The following TARBP1 variants were observed in gnomAD, a reference collection of about 807,000 sequenced individuals.
TARBP1 encodes the protein tRNA (guanosine(18)-2'-O)-methyltransferase TARBP1.
A neutral mutation model predicts 178.6 loss-of-function variants in TARBP1; 144 were observed. The ratio of observed to expected loss-of-function variants is 0.81; its 90% confidence interval spans 0.70 to 0.93. The LOEUF is 0.93. Ranked by LOEUF, TARBP1 falls within the 40% of genes least tolerant of loss-of-function variation. The pLI is 0.00. For synonymous variants in TARBP1, 787 were observed against 781.0 expected, an observed-to-expected ratio of 1.01 and a Z score of -0.13; for missense variants, 2,067 against 2,011.7, an observed-to-expected ratio of 1.03 and a Z score of -0.53.
At chr1:234,443,223 A>C (rs1337921236) in intron 12 of TARBP1, among the ~76,000 whole-genome samples, 1 of 151,584 alleles carries the variant, frequency 6.6e-6, no homozygotes, top group Admixed American at 6.6e-5. Flanking sequence ...CCGGGAGGCA[A>C]AGGTTGCGGT....
intron 4 of TARBP1, among the ~76,000 whole-genome samples, chr1:234,466,617 C>T (rs1032391153): frequency 3.3e-5 from 5 of 152,126 alleles, no homozygotes; most frequent in African/African-American, 1.2e-4. Context: ...AATCCCAGCA[C>T]TTTGGGAGGC....
chr1:234,427,973 T>C (rs1248434257), intron 17 of TARBP1, among the ~76,000 whole-genome samples: 4 of 152,206 alleles, frequency 2.6e-5, no homozygotes, highest in African/African-American at 4.8e-5. Flanking sequence ...ATTTTACTGA[T>C]AGTGATATTC....
At chr1:234,461,314 GTTTGT>G (rs1178009491) in intron 6 of TARBP1, among the ~76,000 whole-genome samples, 1 of 144,168 alleles carries the variant, frequency 6.9e-6, no homozygotes. Flanking sequence ...TTGTTTGTTT[GTTTGT>G]TTTGAGACAG....
intron 24 of TARBP1, 64 bp downstream of exon 24, chr1:234,405,839 G>T: frequency 5.4e-6 from 8 of 1,470,706 alleles, no homozygotes; most frequent in Non-Finnish European, 7.5e-6. Context: ...TATGGGCACT[G>T]CCCCCTCCCT....
chr1:234,400,883 A>T (rs1023933702), intron 25 of TARBP1: 1 of 210,202 alleles, frequency 4.8e-6, no homozygotes, highest in Non-Finnish European at 9.6e-6. Context: ...ATTTCCTTTT[A>T]ATGTCAGAAC....
chr1:234,418,841 A>T (rs1452748061), intron 21 of TARBP1, among the ~76,000 whole-genome samples: 1 of 152,230 alleles, frequency 6.6e-6, no homozygotes, highest in African/African-American at 2.4e-5. Flanking sequence ...TCTAAGCAGC[A>T]GGTGAAAAAC....
intron 26 of TARBP1, 160 bp downstream of exon 26, chr1:234,398,222 A>G: frequency 2.0e-6 from 1 of 497,846 alleles, no homozygotes; most frequent in Non-Finnish European, 3.2e-6. Context: ...AGTCAAAGTT[A>G]TACCACACTT....
intron 20 of TARBP1, among the ~76,000 whole-genome samples, chr1:234,421,238 G>A (rs6703763): frequency 0.23 from 34,882 of 151,810 alleles, 4,350 homozygotes; most frequent in East Asian, 0.44. Context: ...ACAGGCGCCC[G>A]CCACCACACC....
chr1:234,470,278 A>G (rs922942083), intron 3 of TARBP1, among the ~76,000 whole-genome samples: 5 of 152,016 alleles, frequency 3.3e-5, no homozygotes, highest in African/African-American at 1.2e-4. Context: ...CTCAAAAACA[A>G]AAAAAAAGAG....
chr1:234,392,402 A>G lies in TARBP1; in HGVS notation c.4697+14T>C, dbSNP rs775903828. 1 of 1,612,796 alleles carries G rather than the reference A, an allele frequency of 6.2e-7. No homozygotes were observed. Among genetic ancestry groups the G allele is most frequent in the Non-Finnish European group, 8.5e-7 (1 of 1,179,594 alleles). On this transcript the variant is annotated intron_variant, in intron 29 of 29. Transcript: ENST00000040877. The stretch of plus-strand genomic sequence containing the variant: ...GGCTCAGAGAATATACTATGGACAC[A>G]AGAAGCTTCTTACCCCAACAAGAGC...
intron 12 of TARBP1, among the ~76,000 whole-genome samples, chr1:234,444,699 A>G (rs1261999874): frequency 6.6e-6 from 1 of 152,058 alleles, no homozygotes; most frequent in East Asian, 1.9e-4. Flanking sequence ...TTCCTTAAAA[A>G]AAAAACAGAA....
chr1:234,429,123 G>A lies in TARBP1; in HGVS notation c.3060+13C>T. On this transcript the variant is annotated intron_variant, in intron 17 of 29. Coordinates refer to ENST00000040877, the MANE Select transcript of TARBP1 (RefSeq NM_005646.4). ...CATGAAAAGAAAAGCAAAAAGAAAA[G>A]AAAGTTAGTTACCTCTTTTATTTTG... 1.3e-6 allele frequency: 2 copies of A among 1,548,502 alleles called. No homozygotes were observed. Among genetic ancestry groups the A allele is most frequent in the East Asian group, 2.3e-5 (1 of 43,736 alleles).
rs892512271 is a variant in TARBP1 at position 234,429,446 on chromosome 1, C to G, written c.2841G>C (p.Val947=). Residue 947 remains valine, a synonymous_variant, in exon 16 of 30, where the codon GTG becomes GTC. Transcript: ENST00000040877. ...TVLSSDQVLP[V]FHCLKVLVPK... Reference sequence around the variant, plus strand: ...GAACCAACACTTTCAAGCAATGGAACACTGGTAAAACTTGATCAGAAGAAA... The same window carrying G: ...GAACCAACACTTTCAAGCAATGGAAGACTGGTAAAACTTGATCAGAAGAAA... 6.2e-7 allele frequency: 1 copy of G among 1,613,330 alleles called. No individual in the cohort carries two copies. Among genetic ancestry groups the G allele is most frequent in the Non-Finnish European group, 8.5e-7 (1 of 1,179,798 alleles).
Position 234,471,172 on chromosome 1 carries a change from T to C in TARBP1, c.1099+16A>G. 2 of 1,562,960 alleles carry C rather than the reference T, an allele frequency of 1.3e-6. No homozygotes were observed. Among genetic ancestry groups the C allele is most frequent in the Non-Finnish European group, 1.7e-6 (2 of 1,152,976 alleles). ...CCATAAATGTTATTAAAAAATAAAA[T>C]AAAAGTAATCGTTACCATTTTCCTC... On this transcript the variant is annotated intron_variant, in intron 3 of 29. Transcript: ENST00000040877.
At chr1:234,470,999 T>C (rs1180102441) in intron 3 of TARBP1, among the ~76,000 whole-genome samples, 189 bp downstream of exon 3, 1 of 152,088 alleles carries the variant, frequency 6.6e-6, no homozygotes, top group Non-Finnish European at 1.5e-5. Flanking sequence ...ATGAACAACA[T>C]GATCCAGAAG....
At chr1:234,469,792 T>C (rs184324903) in intron 3 of TARBP1, among the ~76,000 whole-genome samples, 87 of 152,352 alleles carry the variant, frequency 5.7e-4, no homozygotes, top group Non-Finnish European at 1.0e-3. Flanking sequence ...GTGTATCTCC[T>C]AAAAAGCTCT....
chr1:234,479,092 C>G lies in TARBP1; in HGVS notation c.12G>C (p.Val4=). 6.5e-7 allele frequency: 1 copy of G among 1,534,960 alleles called. No homozygotes were observed. The highest frequency in any genetic ancestry group is 2.0e-5 in the Admixed American group (1 of 49,968). Residue 4 remains valine (V), a synonymous_variant, in exon 1 of 30, where the codon GTG becomes GTC. Coordinates refer to ENST00000040877, the MANE Select transcript of TARBP1 (RefSeq NM_005646.4). MEW[V]LAEALLSQSR... is the part of the protein sequence containing the mutation. ...TCTGCGAGAGCAGCGCTTCCGCGAG[C>G]ACCCACTCCATTTGCCGAGCGCCCG...
In TARBP1 at chr1:234,393,319, G is replaced by T. The variant is rs73101919; in HGVS notation, c.4560+43C>A. ...TTTTAGGTTCACGGGTACATGTGCG[G>T]GCTTGTTTTAAGAACTTTAATAATA... On this transcript the variant is annotated intron_variant, in intron 28 of 29. Coordinates refer to ENST00000040877, the MANE Select transcript of TARBP1 (RefSeq NM_005646.4). The T allele has an allele frequency of 3.1e-3, 4,401 of 1,418,436 alleles. 121 individuals carry two copies. In the African/African-American group the frequency reaches 0.055, roughly 18 times the overall value. 87.9% of individuals were successfully genotyped at this position (1,418,436 alleles called of 1,614,324 possible). A position where few individuals can be genotyped will look rare whatever the true frequency, so the allele number is the denominator to read the frequency against.
At chr1:234,425,238 A>G (rs1264773355) in intron 20 of TARBP1, among the ~76,000 whole-genome samples, 3 of 152,194 alleles carry the variant, frequency 2.0e-5, no homozygotes, top group Admixed American at 2.0e-4. Context: ...TCTCAGAAGA[A>G]GAAAAAACAA....
Sources: gnomAD v4.1 joint callset for allele counts (sites outside exome capture counted in the v4.1 genomes callset) on GRCh38, gnomAD v4.1.1 for gene constraint, MANE v1.5 for transcripts, NCBI Gene and HGNC (gene_info 2026-07-23, HGNC 2026-07-21) for gene names.